The following ITPKB variants were observed in gnomAD, a reference collection of about 807,000 sequenced individuals.
ITPKB encodes the protein inositol-trisphosphate 3-kinase B.
A neutral mutation model predicts 69.4 loss-of-function variants in ITPKB; 13 were observed. That is an observed-to-expected ratio of 0.19 (90% CI 0.12 to 0.30). The LOEUF (loss-of-function observed/expected upper bound fraction) is 0.30, where lower values mean the gene tolerates loss of function less well. Among genes scored for constraint, ITPKB ranks in the 10% least tolerant of loss-of-function variants. ITPKB has a pLI of 1.00. For missense variants in ITPKB, 1,240 were observed against 1,250.5 expected (o/e 0.99, Z 0.13); for synonymous variants, 584 against 513.7 (o/e 1.14, Z -1.85).
chr1:226,653,103 G>T (rs910263808), intron 2 of ITPKB, among the ~76,000 whole-genome samples: 1 of 152,196 alleles, frequency 6.6e-6, no homozygotes, highest in Admixed American at 6.5e-5. Flanking sequence ...TGACAGGCCC[G>T]GGTTAGAGAA....
chr1:226,647,782 G>A (rs751295350), intron 3 of ITPKB, among the ~76,000 whole-genome samples: 9 of 152,266 alleles, frequency 5.9e-5, no homozygotes, highest in Non-Finnish European at 8.8e-5. Flanking sequence ...GATTGGACAG[G>A]ATTCAGAGCC....
chr1:226,645,582 A>G (rs886912181), intron 4 of ITPKB, among the ~76,000 whole-genome samples: 5 of 152,184 alleles, frequency 3.3e-5, no homozygotes, highest in Admixed American at 2.6e-4. Context: ...GTCTGAGTGG[A>G]CACCACTTGG....
At chr1:226,705,784 C>T (rs1197901358) in intron 2 of ITPKB, among the ~76,000 whole-genome samples, 4 of 152,216 alleles carry the variant, frequency 2.6e-5, no homozygotes, top group African/African-American at 9.6e-5. Flanking sequence ...TTTCTCCTGA[C>T]CCCTGAGGAC....
intron 2 of ITPKB, among the ~76,000 whole-genome samples, chr1:226,727,787 G>T (rs1407241336): frequency 6.6e-6 from 1 of 152,076 alleles, no homozygotes; most frequent in Non-Finnish European, 1.5e-5. Flanking sequence ...CCCTTCAGAA[G>T]AGTTCTCCTT....
chr1:226,726,698 T>C (rs1393808036), intron 2 of ITPKB, among the ~76,000 whole-genome samples: 1 of 151,950 alleles, frequency 6.6e-6, no homozygotes, highest in Non-Finnish European at 1.5e-5. Flanking sequence ...TTTTTTTTTT[T>C]GTAAAAGAAA....
chr1:226,659,856 G>C (rs1177717377), intron 2 of ITPKB, among the ~76,000 whole-genome samples: 1 of 152,134 alleles, frequency 6.6e-6, no homozygotes, highest in Non-Finnish European at 1.5e-5. Flanking sequence ...ATGTCCCCCA[G>C]GCTGCACAGC....
intron 2 of ITPKB, chr1:226,675,130 A>C: frequency 9.5e-6 from 1 of 104,724 alleles, no homozygotes; most frequent in African/African-American, 3.3e-5. Flanking sequence ...TTACAGGCAA[A>C]AAAAAAAAAA....
chr1:226,685,804 AG>A (rs1656195532), intron 2 of ITPKB, among the ~76,000 whole-genome samples: 1 of 152,238 alleles, frequency 6.6e-6, no homozygotes, highest in African/African-American at 2.4e-5. Flanking sequence ...ACATTGTACA[AG>A]GAAAAAAAAT....
intron 2 of ITPKB, among the ~76,000 whole-genome samples, chr1:226,651,580 C>A (rs1418061826): frequency 6.6e-6 from 1 of 152,178 alleles, no homozygotes; most frequent in African/African-American, 2.4e-5. Context: ...ACCTCGGAGC[C>A]TGGGGCAGGG....
At chr1:226,663,353 A>C (rs918199806) in intron 2 of ITPKB, among the ~76,000 whole-genome samples, 1 of 152,078 alleles carries the variant, frequency 6.6e-6, no homozygotes, top group East Asian at 1.9e-4. Flanking sequence ...TTTGTGTCCC[A>C]ATCGGGGCAG....
intron 2 of ITPKB, among the ~76,000 whole-genome samples, chr1:226,667,853 T>TGC (rs1406150880): frequency 1.1e-3 from 153 of 141,738 alleles, no homozygotes; most frequent in African/African-American, 2.9e-3. Flanking sequence ...TGTGTGTGTG[T>TGC]GCGCGCGCGC....
At chr1:226,706,385 T>C (rs1656801933) in intron 2 of ITPKB, among the ~76,000 whole-genome samples, 1 of 152,186 alleles carries the variant, frequency 6.6e-6, no homozygotes, top group African/African-American at 2.4e-5. Context: ...CAGAAAACTT[T>C]CTAGAATGTG....
Position 226,634,406 on chromosome 1 carries a change from C to G in ITPKB, c.*265G>C. 2.2e-6 allele frequency: 1 copy of G among 462,588 alleles called. No individual in the cohort carries two copies. Among genetic ancestry groups the G allele is most frequent in the Non-Finnish European group, 3.9e-6 (1 of 255,896 alleles). The allele number at this position is 462,588 out of a possible 1,614,324, so 28.7% of individuals were successfully genotyped here. On this transcript the variant is annotated 3_prime_UTR_variant, in exon 8 of 8. Transcript: ENST00000429204. This position sits in a 1 kb window ranked among gnomAD's most constrained non-coding sequence, Gnocchi z 6.3. ...TCCCCTCAGCAGCCAGGGACCCCCTCCAGCTCTACACCTGACCCACCTCTA... is the reference window on the plus strand; with the variant it reads ...TCCCCTCAGCAGCCAGGGACCCCCTGCAGCTCTACACCTGACCCACCTCTA...
chr1:226,728,620 G>A (rs1040555258), intron 2 of ITPKB, among the ~76,000 whole-genome samples: 8 of 152,148 alleles, frequency 5.3e-5, no homozygotes, highest in South Asian at 2.1e-4. Context: ...CATTCCTATC[G>A]CTTTGAGTCT....
intron 6 of ITPKB, 32 bp downstream of exon 6, chr1:226,639,525 G>A (rs1195181835): frequency 2.1e-6 from 3 of 1,410,398 alleles, no homozygotes; most frequent in Non-Finnish European, 3.0e-6. Flanking sequence ...CTGGCTGGCT[G>A]GAGAGACCCT....
In ITPKB at chr1:226,637,762, A is replaced by G. The variant is rs1558298714; in HGVS notation, c.2554-12T>C. The G allele has an allele frequency of 6.2e-7, 1 of 1,609,126 alleles. No homozygotes were observed. Among genetic ancestry groups the G allele is most frequent in the Non-Finnish European group, 8.5e-7 (1 of 1,175,840 alleles). ...TCCCGATAGGCGATCTGGGAATAGA[A>G]AGAGGACCAGATTTTTAAGCGCCGC... On this transcript the variant is annotated splice_polypyrimidine_tract_variant and intron_variant, in intron 6 of 7. Coordinates refer to ENST00000429204, the MANE Select transcript of ITPKB (RefSeq NM_002221.4). This position sits in a 1 kb window ranked among gnomAD's most constrained non-coding sequence, Gnocchi z 4.3.
Position 226,634,584 on chromosome 1 carries a change from G to C in ITPKB, c.*87C>G. The C allele has an allele frequency of 1.5e-6, 1 of 676,566 alleles. No homozygotes were observed. The allele number at this position is 676,566 out of a possible 1,614,324, so 41.9% of individuals were successfully genotyped here. On this transcript the variant is annotated 3_prime_UTR_variant, in exon 8 of 8. Coordinates refer to ENST00000429204, the MANE Select transcript of ITPKB (RefSeq NM_002221.4). The surrounding 1 kb of genome is among the most constrained non-coding windows in gnomAD (Gnocchi z 6.3). ...TGCAGTTCAGGAGGGTCAGTCAGGT[G>C]TAAGTGAAGGAAAAGTTAGGAACGA...
In ITPKB at chr1:226,644,044, G is replaced by A. The variant is rs1047891582; in HGVS notation, c.2247-1919C>T. 2.7e-4 allele frequency among the ~76,000 whole-genome samples: 41 copies of A among 152,250 alleles called. 1 individual carries two copies. The highest frequency in any genetic ancestry group is 2.4e-3 in the Admixed American group (37 of 15,292). ...ACTCCTGAGGGCGCTGTAGGGGACC[G>A]CATGGTGGGTGGCTGCACTTCTGCA... On this transcript the variant is annotated intron_variant, in intron 4 of 7. Transcript: ENST00000429204.
Position 226,721,172 on chromosome 1 carries a change from C to T in ITPKB, c.1932+14355G>A, listed in dbSNP as rs1250893156. Reference sequence around the variant, plus strand: ...CAACCTGACCAACATGGAGAAACCCCGTCTCTACTAAAAAAAAAATACAAA... The same window carrying T: ...CAACCTGACCAACATGGAGAAACCCTGTCTCTACTAAAAAAAAAATACAAA... On this transcript the variant is annotated intron_variant, in intron 2 of 7. Coordinates refer to ENST00000429204, the MANE Select transcript of ITPKB (RefSeq NM_002221.4). 2.7e-5 allele frequency among the ~76,000 whole-genome samples: 4 copies of T among 148,490 alleles called. 1 individual carries two copies. Among genetic ancestry groups the T allele is most frequent in the South Asian group, 4.3e-4 (2 of 4,672 alleles).
Sources: gnomAD v4.1 joint callset for allele counts (sites outside exome capture counted in the v4.1 genomes callset) on GRCh38, gnomAD v4.1.1 for gene constraint, Gnocchi (gnomAD v3.1) non-coding constraint, MANE v1.5 for transcripts, NCBI Gene and HGNC (gene_info 2026-07-23, HGNC 2026-07-21) for gene names.